Variants in OLFML2A observed in about 807,000 individuals in gnomAD.
The protein encoded by OLFML2A is olfactomedin-like protein 2A.
OLFML2A carries 47 observed loss-of-function variants against 60.9 expected under a neutral mutation model. The ratio of observed to expected loss-of-function variants is 0.77; its 90% CI spans 0.61 to 0.98. The LOEUF (loss-of-function observed/expected upper bound fraction) is 0.98, where lower values mean the gene tolerates loss of function less well. Ranked by LOEUF, OLFML2A falls within the 50% of genes least tolerant of loss-of-function variation. OLFML2A has a pLI of 0.00. For synonymous variants in OLFML2A, 372 were observed against 375.0 expected (o/e 0.99, Z 0.09); for missense variants, 922 against 879.8 (o/e 1.05, Z -0.61).
chr9:124,787,077 C>T lies in OLFML2A; in HGVS notation c.193C>T (p.Arg65Cys), dbSNP rs765128055. 31 of 1,613,964 alleles carry T rather than the reference C, an allele frequency of 1.9e-5. No individual in the cohort carries two copies. The highest frequency in any genetic ancestry group is 3.3e-5 in the Admixed American group (2 of 60,004). Residue 65 changes from arginine to cysteine, a missense_variant, in exon 2 of 8, where the codon CGC becomes TGC. By Grantham distance (180) the Arg-to-Cys change is radical (BLOSUM62 -3). Coordinates refer to ENST00000373580, the MANE Select transcript of OLFML2A (RefSeq NM_182487.4). ...GAGCAAGGACGCGTGTAGCCGAGTGCGCAGTGGGCGGGCACGCGTGGAGGA... is the reference window on the plus strand; with the variant it reads ...GAGCAAGGACGCGTGTAGCCGAGTGTGCAGTGGGCGGGCACGCGTGGAGGA... ...PLSKDACSRV[R>C]SGRARVEDFY... is the part of the protein sequence containing the mutation.
intron 1 of OLFML2A, among the ~76,000 whole-genome samples, chr9:124,782,818 G>A (rs1490555934): frequency 2.0e-5 from 3 of 152,174 alleles, no homozygotes; most frequent in Non-Finnish European, 4.4e-5. Flanking sequence ...TGCTGGTGCG[G>A]GTGGGTGTTG....
rs545308043 is a variant in OLFML2A at position 124,807,731 on chromosome 9, G to T, written c.1169-50G>T. The T allele has an allele frequency of 3.2e-5, 47 of 1,461,580 alleles. 1 individual carries two copies. The South Asian group carries it at 5.6e-4, about 17-fold the overall frequency. The allele number at this position is 1,461,580 out of a possible 1,614,324, so 90.5% of individuals were successfully genotyped here. A position where few individuals can be genotyped will look rare whatever the true frequency, so the allele number is the denominator to read the frequency against. ...ACATTCCCAGCCCGTTGCTCTGGCT[G>T]GGGGGCTTGGGGGTCTGTGTACCGA... is the stretch of plus-strand genomic sequence containing the variant. On this transcript the variant is annotated intron_variant, in intron 6 of 7. Transcript: ENST00000373580.
At chr9:124,794,477 C>T (rs899222387) in intron 2 of OLFML2A, among the ~76,000 whole-genome samples, 12 of 152,192 alleles carry the variant, frequency 7.9e-5, no homozygotes, top group Non-Finnish European at 1.5e-4. Flanking sequence ...CCTAGCACAG[C>T]GCCTGGCACG....
chr9:124,799,111 A>G (rs1248884103), intron 3 of OLFML2A, among the ~76,000 whole-genome samples, 174 bp from the exon 4 acceptor site: 1 of 152,150 alleles, frequency 6.6e-6, no homozygotes, highest in Non-Finnish European at 1.5e-5. Context: ...AAAAGTTCAT[A>G]AACACAGGGT....
intron 6 of OLFML2A, among the ~76,000 whole-genome samples, chr9:124,805,025 C>A (rs2131275442): frequency 6.6e-6 from 1 of 152,242 alleles, no homozygotes; most frequent in South Asian, 2.1e-4. Flanking sequence ...TCAACAAATT[C>A]TTCTTAAAAT....
intron 5 of OLFML2A, among the ~76,000 whole-genome samples, chr9:124,803,616 T>C (rs1309076731): frequency 1.3e-5 from 2 of 152,182 alleles, no homozygotes; most frequent in African/African-American, 4.8e-5. Context: ...AGCAGCTGCA[T>C]TTTCCATGGC....
chr9:124,784,943 GTTTTTTTTTTTTTT>G (rs750733365), intron 1 of OLFML2A, among the ~76,000 whole-genome samples: 10 of 69,542 alleles, frequency 1.4e-4, no homozygotes, highest in South Asian at 6.0e-4. Context: ...CCTTTTACTT[GTTTTTTTTTTTTTT>G]TTTTTTTTTT....
intron 3 of OLFML2A, among the ~76,000 whole-genome samples, chr9:124,795,879 G>A (rs1240122746): frequency 6.6e-6 from 1 of 152,254 alleles, no homozygotes; most frequent in Non-Finnish European, 1.5e-5. Context: ...GAGGTGCTGC[G>A]TGTCCTGCCC....
In OLFML2A at chr9:124,777,776, G is replaced by T. The variant is rs1213170798; in HGVS notation, c.90+416G>T. Among the ~76,000 whole-genome samples, 1 of 152,074 alleles carries T rather than the reference G, an allele frequency of 6.6e-6. No homozygotes were observed. Among genetic ancestry groups the T allele is most frequent in the East Asian group, 1.9e-4 (1 of 5,166 alleles). ...TGGGGACTGGGGGTCTTCTCTACCC[G>T]ATGAACGCAGCCGCGCTGGCCACTC... is the stretch of plus-strand genomic sequence containing the variant. On this transcript the variant is annotated intron_variant, in intron 1 of 7. Transcript: ENST00000373580. This position sits in a 1 kb window ranked among gnomAD's most constrained non-coding sequence, Gnocchi z 6.2.
chr9:124,808,030 G>A, intron 7 of OLFML2A, 64 bp downstream of exon 7: 1 of 1,278,380 alleles, frequency 7.8e-7, no homozygotes, highest in East Asian at 2.3e-5. Context: ...GGTCCTCATG[G>A]GGACTTGGCC....
Position 124,807,813 on chromosome 9 carries a change from G to T in OLFML2A, c.1201G>T (p.Ala401Ser). 5 of 1,613,584 alleles carry T rather than the reference G, an allele frequency of 3.1e-6. No homozygotes were observed. Among genetic ancestry groups the T allele is most frequent in the Non-Finnish European group, 4.2e-6 (5 of 1,179,910 alleles). The stretch of plus-strand genomic sequence containing the variant: ...GGCGAGCTGTGAGGGCACCCTCCGG[G>T]CTGTGGACCCCCCTGTGAGGCACCA... ...REASCEGTLR[A>S]VDPPVRHHSY... The change falls in exon 7 of 8, where the codon GCT becomes TCT. Residue 401 changes from alanine (A) to serine (S), a missense_variant. Transcript: ENST00000373580.
chr9:124,794,428 G>A (rs1373243278), intron 2 of OLFML2A, among the ~76,000 whole-genome samples: 1 of 152,174 alleles, frequency 6.6e-6, no homozygotes, highest in African/African-American at 2.4e-5. Flanking sequence ...CACCTCACGA[G>A]GTTGTTACAA....
chr9:124,783,586 G>T (rs563624500), intron 1 of OLFML2A, among the ~76,000 whole-genome samples: 1 of 152,300 alleles, frequency 6.6e-6, no homozygotes, highest in African/African-American at 2.4e-5. Flanking sequence ...TGATGTGAAA[G>T]CCCATGTTAC....
rs761369222 is a variant in OLFML2A, at chr9:124,795,142, GGCT to G, written c.462+14_462+16del. On this transcript the variant is annotated intron_variant, in intron 3 of 7. Transcript: ENST00000373580. ...AACACACTGGAAGAGGTAAGGGCGG[GGCT>G]GCCGCCAGAGGCCAGGCTGCTCTGG... 924 of 1,524,230 alleles carry G rather than the reference GGCT, an allele frequency of 6.1e-4. No homozygotes were observed. The highest frequency in any genetic ancestry group is 8.0e-4 in the Non-Finnish European group (884 of 1,108,806). 94.4% of individuals were successfully genotyped at this position (1,524,230 alleles called of 1,614,324 possible). A position where few individuals can be genotyped will look rare whatever the true frequency, so the allele number is the denominator to read the frequency against.
At position 124,813,231 on chromosome 9, in the gene OLFML2A, G is replaced by A. The variant is rs1360915700; in HGVS notation, c.*2819G>A. Reference sequence around the variant, plus strand: ...CCCAGACTGTTGGGATTACAGGCATGAGCCACCACGCCTGGCCAGTTTCTT... The same window carrying A: ...CCCAGACTGTTGGGATTACAGGCATAAGCCACCACGCCTGGCCAGTTTCTT... On this transcript the variant is annotated 3_prime_UTR_variant, in exon 8 of 8. Transcript: ENST00000373580. 1 of 152,272 alleles carries A rather than the reference G, an allele frequency of 6.6e-6. No homozygotes were observed. Among genetic ancestry groups the A allele is most frequent in the Non-Finnish European group, 1.5e-5 (1 of 68,106 alleles). The allele number at this position is 152,272 out of a possible 1,614,324, so 9.4% of individuals were successfully genotyped here.
chr9:124,796,930 T>C (rs1324906674), intron 3 of OLFML2A, among the ~76,000 whole-genome samples: 3 of 152,236 alleles, frequency 2.0e-5, no homozygotes, highest in Non-Finnish European at 4.4e-5. Context: ...ATCTGGCAAA[T>C]GTCAATAGTG....
chr9:124,778,995 A>G (rs1841311697), intron 1 of OLFML2A: 1 of 982,712 alleles, frequency 1.0e-6, no homozygotes, highest in Non-Finnish European at 1.2e-6. Flanking sequence ...CACGGTGAGT[A>G]TATGAGCAGT....
chr9:124,810,250 C>T lies in OLFML2A; in HGVS notation c.1797C>T (p.Ala599=). 6.2e-7 allele frequency: 1 copy of T among 1,612,798 alleles called. No homozygotes were observed. The highest frequency in any genetic ancestry group is 8.5e-7 in the Non-Finnish European group (1 of 1,180,010). The change falls in exon 8 of 8, where the codon GCC becomes GCT. Residue 599 remains alanine (A), a synonymous_variant. Transcript: ENST00000373580. ...ACAACCAGCAGGAAGGCCAGGTCGC[C>T]TACGCTTTCGACACGCACACGGGCA... ...DTYNQQEGQV[A]YAFDTHTGTD... is the part of the protein sequence containing the mutation.
chr9:124,789,382 C>T (rs1438169649), intron 2 of OLFML2A, among the ~76,000 whole-genome samples: 1 of 152,204 alleles, frequency 6.6e-6, no homozygotes, highest in Non-Finnish European at 1.5e-5. Flanking sequence ...GCAGAAGATG[C>T]AGCCTCCTGG....
Sources: gnomAD v4.1 joint callset for allele counts (sites outside exome capture counted in the v4.1 genomes callset) on GRCh38, gnomAD v4.1.1 for gene constraint, Gnocchi (gnomAD v3.1) non-coding constraint, MANE v1.5 for transcripts, NCBI Gene and HGNC (gene_info 2026-07-23, HGNC 2026-07-21) for gene names.